SPMIP4: variants seen among roughly 807,000 people sequenced by gnomAD.
SPMIP4 encodes sperm microtubule inner protein 4.
the SPMIP4 span, among the ~76,000 whole-genome samples, chr7:25,158,994 T>G: frequency 6.6e-6 from 1 of 152,218 alleles, no homozygotes; most frequent in African/African-American, 2.4e-5. Context: ...AGTTGTCTGT[T>G]GATTAATTTT....
chr7:25,151,934 C>G, the SPMIP4 span, among the ~76,000 whole-genome samples: 1 of 152,184 alleles, frequency 6.6e-6, no homozygotes, highest in Non-Finnish European at 1.5e-5. Flanking sequence ...TCCACGTCAG[C>G]CTCCTGAGTA....
chr7:25,157,152 A>T, the SPMIP4 span, among the ~76,000 whole-genome samples: 4 of 152,266 alleles, frequency 2.6e-5, no homozygotes, highest in Non-Finnish European at 5.9e-5. Context: ...CAATCTTAGT[A>T]ACAAAAGAAA....
the SPMIP4 span, chr7:25,142,440 C>A: frequency 2.1e-6 from 2 of 940,396 alleles, no homozygotes; most frequent in Non-Finnish European, 3.1e-6. Context: ...TAATTAGAAC[C>A]AATAAAATGA....
the SPMIP4 span, among the ~76,000 whole-genome samples, chr7:25,173,756 G>A: frequency 6.6e-6 from 1 of 152,184 alleles, no homozygotes; most frequent in Non-Finnish European, 1.5e-5. The surrounding 1 kb of genome is among the most constrained non-coding windows in gnomAD (Gnocchi z 4.4). Flanking sequence ...AAACCTAAAT[G>A]AGTCAATTTC....
chr7:25,128,145 A>G, the SPMIP4 span, among the ~76,000 whole-genome samples: 9 of 152,212 alleles, frequency 5.9e-5, no homozygotes, highest in African/African-American at 2.2e-4. The surrounding 1 kb of genome is among the most constrained non-coding windows in gnomAD (Gnocchi z 4.5). Flanking sequence ...CTGTGCTAGG[A>G]GAGACCTGAT....
chr7:25,165,016 T>C, the SPMIP4 span, among the ~76,000 whole-genome samples: 51 of 152,250 alleles, frequency 3.3e-4, no homozygotes, highest in Non-Finnish European at 5.9e-5. Context: ...TTTCTCCATC[T>C]ACTCGGTTAA....
chr7:25,126,989 A>G, the SPMIP4 span, among the ~76,000 whole-genome samples: 1 of 152,174 alleles, frequency 6.6e-6, no homozygotes, highest in African/African-American at 2.4e-5. Flanking sequence ...TTCCCTCAGC[A>G]CTTTAAATAT....
chr7:25,154,181 C>T, the SPMIP4 span, among the ~76,000 whole-genome samples: 88,304 of 152,032 alleles, frequency 0.58, 25,918 homozygotes, highest in Middle Eastern at 0.64. Context: ...AATAAGACAC[C>T]GAGGTTGAGG....
chr7:25,126,587 T>C, the SPMIP4 span, among the ~76,000 whole-genome samples: 1 of 152,228 alleles, frequency 6.6e-6, no homozygotes, highest in Non-Finnish European at 1.5e-5. Context: ...AACTTCACTC[T>C]CCCCACTTTT....
the SPMIP4 span, among the ~76,000 whole-genome samples, chr7:25,151,167 A>G: frequency 6.6e-6 from 1 of 152,152 alleles, no homozygotes; most frequent in African/African-American, 2.4e-5. Flanking sequence ...AAAAATGTAA[A>G]TCATAGTCAA....
the SPMIP4 span, among the ~76,000 whole-genome samples, chr7:25,178,773 T>C: frequency 6.6e-6 from 1 of 152,162 alleles, no homozygotes; most frequent in Admixed American, 6.5e-5. Flanking sequence ...GGCGCAGTGG[T>C]CACGCCTGTA....
chr7:25,127,286 C>G, the SPMIP4 span, among the ~76,000 whole-genome samples: 3 of 152,222 alleles, frequency 2.0e-5, no homozygotes, highest in Admixed American at 2.0e-4. Flanking sequence ...ACCCTGATCT[C>G]TCTCTCTAGC....
the SPMIP4 span, among the ~76,000 whole-genome samples, chr7:25,149,293 C>A: frequency 6.4e-5 from 6 of 93,684 alleles, no homozygotes; most frequent in African/African-American, 1.8e-4. Flanking sequence ...CTGTAGATTA[C>A]CTCCCCAATT....
the SPMIP4 span, among the ~76,000 whole-genome samples, chr7:25,165,260 T>A: frequency 6.6e-6 from 1 of 152,162 alleles, no homozygotes; most frequent in Non-Finnish European, 1.5e-5. Flanking sequence ...TTCATTTTCC[T>A]TATTATTTCA....
the SPMIP4 span, among the ~76,000 whole-genome samples, chr7:25,160,256 G>C: frequency 3.0e-5 from 2 of 67,342 alleles, no homozygotes; most frequent in Non-Finnish European, 5.6e-5. Context: ...TAATAAAGAA[G>C]TGATAGTTCC....
chr7:25,147,787 A>G, the SPMIP4 span, among the ~76,000 whole-genome samples: 2 of 152,218 alleles, frequency 1.3e-5, no homozygotes, highest in African/African-American at 4.8e-5. Flanking sequence ...CTTACGATGT[A>G]CCAATATTGT....
the SPMIP4 span, chr7:25,179,287 G>A: frequency 5.6e-6 from 9 of 1,611,944 alleles, no homozygotes; most frequent in Admixed American, 8.4e-5. Flanking sequence ...CAACAGTAGG[G>A]CCTGCCGTGA....
chr7:25,162,702 C>T, the SPMIP4 span, among the ~76,000 whole-genome samples: 1 of 152,076 alleles, frequency 6.6e-6, no homozygotes, highest in Non-Finnish European at 1.5e-5. Flanking sequence ...ATCATTTGTG[C>T]TACATGCACT....
At chr7:25,160,582 G>A in the SPMIP4 span, among the ~76,000 whole-genome samples, 1 of 152,210 alleles carries the variant, frequency 6.6e-6, no homozygotes, top group Non-Finnish European at 1.5e-5. Context: ...TTACAGGCAT[G>A]AGCCACTGTG....
Sources: allele counts gnomAD v4.1 joint callset (sites outside exome capture counted in the v4.1 genomes callset), GRCh38; gene constraint gnomAD v4.1.1; non-coding constraint Gnocchi (gnomAD v3.1); transcripts MANE v1.5; gene names NCBI Gene and HGNC (gene_info 2026-07-23, HGNC 2026-07-21).